PLXNA4: variants seen among roughly 807,000 people sequenced by gnomAD.
PLXNA4 encodes the protein plexin-A4.
PLXNA4 carries 44 observed loss-of-function variants against 191.8 expected under a neutral mutation model. The ratio of observed to expected loss-of-function variants is 0.23; its 90% CI spans 0.18 to 0.29. The LOEUF is 0.29. Among genes scored for constraint, PLXNA4 ranks in the 10% least tolerant of loss-of-function variants. PLXNA4 has a pLI of 1.00. For synonymous variants in PLXNA4, 1,082 were observed against 1,009.5 expected (o/e 1.07, Z -1.36); for missense variants, 1,800 against 2,488.8 (o/e 0.72, Z 5.89).
chr7:132,263,487 A>G (rs2341820), intron 4 of PLXNA4, among the ~76,000 whole-genome samples: 98,861 of 152,128 alleles, frequency 0.65, 34,227 homozygotes, highest in African/African-American at 0.9. Flanking sequence ...TTACGGTAAA[A>G]TAGGGGTAAG....
At chr7:132,141,710 TGTAA>T (rs1004232304) in intron 29 of PLXNA4, among the ~76,000 whole-genome samples, 1 of 152,168 alleles carries the variant, frequency 6.6e-6, no homozygotes, top group Non-Finnish European at 1.5e-5. Flanking sequence ...TTAAAACTTG[TGTAA>T]GTCTTTCCTT....
At chr7:132,265,102 T>A (rs2116281931) in intron 4 of PLXNA4, among the ~76,000 whole-genome samples, 1 of 152,180 alleles carries the variant, frequency 6.6e-6, no homozygotes, top group African/African-American at 2.4e-5. Context: ...CAGGAAGCAA[T>A]TAGGAATAGT....
At chr7:132,313,041 C>G (rs1227734289) in intron 3 of PLXNA4, among the ~76,000 whole-genome samples, 2 of 152,128 alleles carry the variant, frequency 1.3e-5, no homozygotes, top group African/African-American at 4.8e-5. Context: ...GGTCTTGAGG[C>G]AGGAGCTGCA....
chr7:132,507,598 G>A lies in PLXNA4; in HGVS notation c.1096C>T (p.Arg366Cys), dbSNP rs748520326. ...CAAGACTGCAGCCGCTCCTTAATGC[G>A]GTCATTTATCTGCTTCAAGATGAAG... The part of the protein sequence containing the change: ...CIFILKQIND[R>C]IKERLQSCYR... The change falls in exon 2 of 32, where the codon CGC (arginine) becomes TGC (cysteine). Residue 366 changes from arginine to cysteine, a missense_variant. Transcript: ENST00000321063. 41 of 1,614,006 alleles carry A rather than the reference G, an allele frequency of 2.5e-5. 1 individual carries two copies. Among genetic ancestry groups the A allele is most frequent in the East Asian group, 1.1e-4 (5 of 44,882 alleles).
At chr7:132,512,151 TTCCAGACAGGCAGGTGCAGGTCGGGG>T (rs1798738575) in intron 1 of PLXNA4, among the ~76,000 whole-genome samples, 1 of 152,224 alleles carries the variant, frequency 6.6e-6, no homozygotes, top group South Asian at 2.1e-4. Flanking sequence ...ATAATCCCCC[TTCCAGACAGGCAGGTGCAGGTCGGGG>T]CTCCGCCACC....
Position 132,576,285 on chromosome 7 carries a change from G to A in PLXNA4, c.-87+137C>T. ...TGTGTGCCGGTGTGGATCTGTGTGT[G>A]TGCCTGCGTGTGTGCGTGTGCGTGT... On this transcript the variant is annotated intron_variant, in intron 1 of 31. Transcript: ENST00000321063. This position sits in a 1 kb window ranked among gnomAD's most constrained non-coding sequence, Gnocchi z 5.8. 1 of 591,994 alleles carries A rather than the reference G, an allele frequency of 1.7e-6. No homozygotes were observed. Among genetic ancestry groups the A allele is most frequent in the Non-Finnish European group, 2.1e-6 (1 of 471,246 alleles). 36.7% of individuals were successfully genotyped at this position (591,994 alleles called of 1,614,324 possible). A position where few individuals can be genotyped will look rare whatever the true frequency, so the allele number is the denominator to read the frequency against.
intron 10 of PLXNA4, among the ~76,000 whole-genome samples, chr7:132,209,995 A>G (rs989123037): frequency 6.6e-6 from 1 of 152,228 alleles, no homozygotes; most frequent in Non-Finnish European, 1.5e-5. Context: ...AGGCCTATGT[A>G]TCTAAGTTGT....
At chr7:132,582,290 TC>T (rs1802416401), upstream of PLXNA4, among the ~76,000 whole-genome samples, 5 of 152,294 alleles carry the variant, frequency 3.3e-5, no homozygotes, top group South Asian at 1.0e-3. Context: ...GAAGATGGAT[TC>T]GTGCTGATGG....
At chr7:132,423,545 C>G (rs992205915) in intron 3 of PLXNA4, among the ~76,000 whole-genome samples, 1 of 152,158 alleles carries the variant, frequency 6.6e-6, no homozygotes, top group Non-Finnish European at 1.5e-5. Flanking sequence ...CACATGTATG[C>G]CCATCCAGCT....
chr7:132,156,135 T>TACACACACACACACACACACAC (rs57153762), intron 25 of PLXNA4, among the ~76,000 whole-genome samples: 8 of 133,098 alleles, frequency 6.0e-5, no homozygotes, highest in South Asian at 2.6e-4. Flanking sequence ...TTTCTGGACA[T>TACACACACACACACACACACAC]ACACACACAC....
At chr7:132,543,898 T>C (rs868767027) in intron 1 of PLXNA4, among the ~76,000 whole-genome samples, 2 of 152,196 alleles carry the variant, frequency 1.3e-5, no homozygotes, top group Non-Finnish European at 2.9e-5. Context: ...GCAAACTATC[T>C]GAGCTAGGGC....
chr7:132,583,333 G>A (rs75719133), intron 2 of PLXNA4, among the ~76,000 whole-genome samples: 2,882 of 152,314 alleles, frequency 0.019, 83 homozygotes, highest in African/African-American at 0.056. Context: ...GAGGCCCAAG[G>A]ATGCTTCCTA....
intron 3 of PLXNA4, chr7:132,383,870 A>G: frequency 3.0e-6 from 3 of 985,468 alleles, no homozygotes; most frequent in Non-Finnish European, 3.6e-6. Flanking sequence ...AATTCCCAAC[A>G]GCCATGCTTC....
At chr7:132,630,237 C>T (rs952744719) in intron 2 of PLXNA4, among the ~76,000 whole-genome samples, 1 of 152,164 alleles carries the variant, frequency 6.6e-6, no homozygotes, top group Non-Finnish European at 1.5e-5. Context: ...CTCCTAAAGG[C>T]CCTATCTACA....
rs67412588 is a variant in PLXNA4 at position 132,146,079 on chromosome 7, CAAAAAAAAA to C, written c.5055+422_5055+430del. 1.2e-4 allele frequency among the ~76,000 whole-genome samples: 6 copies of C among 48,924 alleles called. No individual in the cohort carries two copies. In the East Asian group the frequency reaches 2.5e-3, roughly 20 times the overall value. The allele number at this position is 48,924 out of a possible 152,430, so 32.1% of individuals were successfully genotyped here. A position where few individuals can be genotyped will look rare whatever the true frequency, so the allele number is the denominator to read the frequency against. ...TGGGTGACAGAACAAGACTCTGTCT[CAAAAAAAAA>C]AAAAAAAAAAAAAAAGAAAAGATAT... On this transcript the variant is annotated intron_variant, in intron 28 of 31. Transcript: ENST00000321063.
rs1191709528 is a variant in PLXNA4, at chr7:132,563,967, TCTC to T, written c.-87+12452_-87+12454del. On this transcript the variant is annotated intron_variant, in intron 1 of 31. Coordinates refer to ENST00000321063, the MANE Select transcript of PLXNA4 (RefSeq NM_020911.2). ...CCTCCTCCTTTTCCTCCCCATTCTT[TCTC>T]CTCCTCCTCCTTCTCCTCCTCCTCC... 5.2e-3 allele frequency among the ~76,000 whole-genome samples: 229 copies of T among 43,682 alleles called. 2 individuals carry two copies. Among genetic ancestry groups the T allele is most frequent in the African/African-American group, 0.017 (224 of 12,880 alleles). The allele number at this position is 43,682 out of a possible 152,430, so 28.7% of individuals were successfully genotyped here. A position where few individuals can be genotyped will look rare whatever the true frequency, so the allele number is the denominator to read the frequency against.
At chr7:132,464,816 C>T (rs934458868) in intron 3 of PLXNA4, among the ~76,000 whole-genome samples, 3 of 152,190 alleles carry the variant, frequency 2.0e-5, no homozygotes, top group Non-Finnish European at 4.4e-5. Flanking sequence ...GCGGACCTAC[C>T]CTTCAAGGAC....
chr7:132,563,767 C>T (rs1322272613), intron 1 of PLXNA4, among the ~76,000 whole-genome samples: 1 of 105,000 alleles, frequency 9.5e-6, no homozygotes, highest in Non-Finnish European at 1.9e-5. Context: ...CCTCCTTTTC[C>T]TCTTCCTCCT....
chr7:132,424,377 G>A (rs1794960127), intron 3 of PLXNA4, among the ~76,000 whole-genome samples: 2 of 152,172 alleles, frequency 1.3e-5, no homozygotes, highest in African/African-American at 4.8e-5. Flanking sequence ...AGGGAGCTCA[G>A]CTGGAGAGCC....
Sources: gnomAD v4.1 joint callset for allele counts (sites outside exome capture counted in the v4.1 genomes callset) on GRCh38, gnomAD v4.1.1 for gene constraint, Gnocchi (gnomAD v3.1) non-coding constraint, MANE v1.5 for transcripts, NCBI Gene and HGNC (gene_info 2026-07-23, HGNC 2026-07-21) for gene names.